Variants in CACNA2D1 observed in about 807,000 individuals in gnomAD.
CACNA2D1 encodes calcium voltage-gated channel auxiliary subunit alpha2delta 1.
CACNA2D1 carries 53 observed loss-of-function variants against 171.5 expected under a neutral mutation model. That is an observed-to-expected ratio of 0.31 (90% CI 0.25 to 0.39). The LOEUF (loss-of-function observed/expected upper bound fraction) is 0.39. Ranked by LOEUF, CACNA2D1 falls within the 10% of genes least tolerant of loss-of-function variation. The pLI is 1.00. For missense variants in CACNA2D1, 903 were observed against 1,299.8 expected (o/e 0.69, Z 4.69); for synonymous variants, 442 against 443.1 (o/e 1.00, Z 0.03).
At chr7:82,248,115 T>G (rs1805153828) in intron 3 of CACNA2D1, among the ~76,000 whole-genome samples, 1 of 152,190 alleles carries the variant, frequency 6.6e-6, no homozygotes, top group Admixed American at 6.5e-5. Flanking sequence ...GATTTTAAGT[T>G]GCCATAGGTC....
intron 3 of CACNA2D1, among the ~76,000 whole-genome samples, chr7:82,309,857 C>T (rs1814211057): frequency 2.0e-5 from 3 of 152,128 alleles, no homozygotes; most frequent in South Asian, 2.1e-4. Flanking sequence ...CATGTGAGTA[C>T]TCAGAACCCA....
At chr7:82,042,260 T>A (rs1804058073) in intron 10 of CACNA2D1, among the ~76,000 whole-genome samples, 1 of 152,210 alleles carries the variant, frequency 6.6e-6, no homozygotes. Context: ...TATCGTATTA[T>A]GTATGTTTTA....
At chr7:82,304,853 A>G (rs1226412293) in intron 3 of CACNA2D1, among the ~76,000 whole-genome samples, 1 of 152,186 alleles carries the variant, frequency 6.6e-6, no homozygotes, top group Non-Finnish European at 1.5e-5. Flanking sequence ...ATCTCGAAAT[A>G]GCTAGAAGAG....
intron 31 of CACNA2D1, among the ~76,000 whole-genome samples, chr7:81,965,998 A>T (rs1794673104): frequency 6.6e-6 from 1 of 151,716 alleles, no homozygotes; most frequent in South Asian, 2.1e-4. Flanking sequence ...TTATTTAATA[A>T]TGAGTAACTG....
chr7:82,145,585 T>A (rs1438374703), intron 4 of CACNA2D1, among the ~76,000 whole-genome samples: 1 of 139,154 alleles, frequency 7.2e-6, no homozygotes, highest in Non-Finnish European at 1.5e-5. Context: ...CATATAAAAT[T>A]TATATATGTA....
intron 6 of CACNA2D1, among the ~76,000 whole-genome samples, chr7:82,107,851 G>A (rs1473934980): frequency 5.3e-5 from 8 of 151,980 alleles, no homozygotes; most frequent in East Asian, 1.9e-4. Context: ...CCCAAAGTGC[G>A]GGGATTATAG....
intron 5 of CACNA2D1, 92 bp from the exon 6 acceptor site, chr7:82,117,265 C>A (rs1354533459): frequency 1.6e-6 from 2 of 1,245,832 alleles, no homozygotes; most frequent in African/African-American, 1.5e-5. Flanking sequence ...GCATATTTTT[C>A]AAAAAATAAA....
At chr7:82,198,996 C>T (rs1799134946) in intron 3 of CACNA2D1, among the ~76,000 whole-genome samples, 1 of 152,078 alleles carries the variant, frequency 6.6e-6, no homozygotes, top group Admixed American at 6.6e-5. Flanking sequence ...TGGATTTCCC[C>T]TGCCTCTGTC....
chr7:82,236,096 C>T (rs1293030947), intron 3 of CACNA2D1, among the ~76,000 whole-genome samples: 2 of 151,506 alleles, frequency 1.3e-5, no homozygotes, highest in East Asian at 3.9e-4. Flanking sequence ...GCAAAATTCT[C>T]AGTTACACAG....
chr7:82,056,829 C>T (rs1021367674), intron 10 of CACNA2D1, among the ~76,000 whole-genome samples: 10 of 152,084 alleles, frequency 6.6e-5, no homozygotes, highest in African/African-American at 2.4e-4. Context: ...ATCACTAATC[C>T]TCAGGTTCAC....
chr7:82,144,932 CCTT>C (rs1792808570), intron 4 of CACNA2D1, among the ~76,000 whole-genome samples: 1 of 151,862 alleles, frequency 6.6e-6, no homozygotes, highest in Admixed American at 6.6e-5. Context: ...ATAATCTGTT[CCTT>C]CTTTGAATTC....
chr7:82,297,018 T>G (rs1424876116), intron 3 of CACNA2D1, among the ~76,000 whole-genome samples: 1 of 139,746 alleles, frequency 7.2e-6, no homozygotes, highest in Non-Finnish European at 1.5e-5. Context: ...GAAGATCGCT[T>G]AAGTCCAGGA....
intron 8 of CACNA2D1, among the ~76,000 whole-genome samples, chr7:82,066,125 A>G (rs1222249276): frequency 6.6e-6 from 1 of 152,046 alleles, no homozygotes; most frequent in South Asian, 2.1e-4. Context: ...ACTCTATCTC[A>G]TCTCTCTGTT....
intron 3 of CACNA2D1, among the ~76,000 whole-genome samples, chr7:82,259,763 AGC>A: frequency 6.6e-6 from 1 of 152,288 alleles, no homozygotes; most frequent in East Asian, 1.9e-4. Flanking sequence ...CTCAGACTAG[AGC>A]CCTATTGGTT....
intron 6 of CACNA2D1, among the ~76,000 whole-genome samples, chr7:82,106,415 G>A (rs1787767123): frequency 6.6e-6 from 1 of 151,862 alleles, no homozygotes; most frequent in South Asian, 2.1e-4. Flanking sequence ...TTTGTTATAC[G>A]CATCATAAAA....
chr7:82,104,159 T>A (rs1160561297), intron 6 of CACNA2D1, among the ~76,000 whole-genome samples: 1 of 152,076 alleles, frequency 6.6e-6, no homozygotes, highest in Non-Finnish European at 1.5e-5. Context: ...TTTAATTAAT[T>A]GTATAATTCA....
At chr7:82,399,332 C>G (rs145790174) in intron 1 of CACNA2D1, among the ~76,000 whole-genome samples, 1 of 151,698 alleles carries the variant, frequency 6.6e-6, no homozygotes, top group Non-Finnish European at 1.5e-5. Context: ...CCCAGCTACT[C>G]GAGAGGCTCA....
intron 10 of CACNA2D1, among the ~76,000 whole-genome samples, chr7:82,040,586 C>T (rs1584509762): frequency 6.6e-6 from 1 of 151,258 alleles, no homozygotes; most frequent in Non-Finnish European, 1.5e-5. Context: ...TCCATGGAAA[C>T]AGGAGAGAAA....
intron 3 of CACNA2D1, among the ~76,000 whole-genome samples, chr7:82,215,744 G>A (rs981341397): frequency 3.0e-4 from 46 of 151,800 alleles, no homozygotes; most frequent in Admixed American, 2.0e-3. Flanking sequence ...CTTATTGACC[G>A]TGATTTCTTC....
Sources: allele counts gnomAD v4.1 joint callset (sites outside exome capture counted in the v4.1 genomes callset), GRCh38; gene constraint gnomAD v4.1.1; transcripts MANE v1.5; gene names NCBI Gene and HGNC (gene_info 2026-07-23, HGNC 2026-07-21).